The following LPA variants were observed in gnomAD, a reference collection of about 807,000 sequenced individuals.
The protein encoded by LPA is apolipoprotein(a).
LPA carries 199 observed loss-of-function variants against 197.9 expected under a neutral mutation model. The observed-to-expected ratio is 1.01, with a 90% CI of 0.90 to 1.13. The LOEUF is 1.13. Ranked by LOEUF, LPA falls within the 50% of genes most tolerant of loss-of-function variation. The pLI is 0.00. For synonymous variants in LPA, 715 were observed against 639.5 expected (o/e 1.12, Z -1.78); for missense variants, 1,853 against 1,785.8 (o/e 1.04, Z -0.68).
intron 2 of LPA, among the ~76,000 whole-genome samples, chr6:160,647,138 C>T (rs1395037395): frequency 6.6e-6 from 1 of 152,204 alleles, no homozygotes; most frequent in Non-Finnish European, 1.5e-5. Flanking sequence ...AGTCTATCCT[C>T]TGCTGTCCAC....
chr6:160,655,983 G>A (rs985966529), intron 1 of LPA, among the ~76,000 whole-genome samples: 12 of 152,196 alleles, frequency 7.9e-5, no homozygotes, highest in African/African-American at 2.9e-4. Flanking sequence ...CAGGAATGGA[G>A]AAAAAGCCAC....
At position 160,593,134 on chromosome 6, in the gene LPA, A is replaced by G. The variant is rs1433454910; in HGVS notation, c.3629+824T>C. On this transcript the variant is annotated intron_variant, in intron 22 of 38. Transcript: ENST00000316300. Reference sequence around the variant, plus strand: ...GAATACGTCAGATGCCTGAGGCATCACAAACTCCAGTCTCTCTCCTCAGTT... The same window carrying G: ...GAATACGTCAGATGCCTGAGGCATCGCAAACTCCAGTCTCTCTCCTCAGTT... Among the ~76,000 whole-genome samples the G allele has an allele frequency of 4.6e-5, 7 of 152,240 alleles. No homozygotes were observed. The East Asian group carries it at 7.8e-4, about 17-fold the overall frequency.
chr6:160,584,996 G>T (rs1185851798), intron 26 of LPA, 50 bp downstream of exon 26: 23 of 1,597,872 alleles, frequency 1.4e-5, no homozygotes, highest in East Asian at 2.2e-5. Context: ...CCAGCTAAGA[G>T]AAATTTTAGT....
At chr6:160,654,603 A>C (rs1451401217) in intron 1 of LPA, among the ~76,000 whole-genome samples, 5 of 152,188 alleles carry the variant, frequency 3.3e-5, no homozygotes, top group African/African-American at 1.2e-4. Context: ...AATTATGCCT[A>C]ATATAATACA....
chr6:160,605,242 C>A (rs200911406), intron 17 of LPA, 37 bp from the exon 18 acceptor site: 306 of 1,609,256 alleles, frequency 1.9e-4, no homozygotes, highest in Non-Finnish European at 2.4e-4. Context: ...CTGAGTGTTT[C>A]CAAGAAGAGA....
rs143456721 is a variant in LPA at position 160,589,454 on chromosome 6, A to G, written c.3947+99T>C. On this transcript the variant is annotated intron_variant, in intron 24 of 38. Transcript: ENST00000316300. ...CATTCTGTCCAACATTCTGGGTCTG[A>G]GAGAAATTGGGTCATAAGAAGTTAG... 546 of 1,395,308 alleles carry G rather than the reference A, an allele frequency of 3.9e-4. 2 individuals carry two copies. The African/African-American group carries it at 7.0e-3, about 18-fold the overall frequency. 86.4% of individuals were successfully genotyped at this position (1,395,308 alleles called of 1,614,324 possible).
chr6:160,553,948 TGTGTGTGCGCGCGCGCGC>T (rs1399992333), intron 30 of LPA, among the ~76,000 whole-genome samples: 103 of 119,980 alleles, frequency 8.6e-4, no homozygotes, highest in African/African-American at 3.7e-3. Context: ...TGTGTGTGTG[TGTGTGTGCGCGCGCGCGC>T]GTGTGCGTGT....
At chr6:160,548,914 A>G (rs1778124560) in intron 30 of LPA, among the ~76,000 whole-genome samples, 1 of 152,234 alleles carries the variant, frequency 6.6e-6, no homozygotes, top group African/African-American at 2.4e-5. Flanking sequence ...TCACATTGCT[A>G]TGAGGAAATA....
chr6:160,557,417 G>T lies in LPA; in HGVS notation c.4786C>A (p.Pro1596Thr), dbSNP rs780525374. The change falls in exon 29 of 39, where the codon CCA (proline) becomes ACA (threonine). Residue 1596 changes from proline (P) to threonine (T), a missense_variant. Pro to Thr is a conservative substitution (Grantham distance 38). Coordinates refer to ENST00000316300, the MANE Select transcript of LPA (RefSeq NM_005577.4). ...GCTTCAGAATGAGCCTCCATGCTTG[G>T]AACTGGAACAACAGTGGGAGTCTCT... ...VLETPTVVPVPSMEAHSEAAP... is the reference protein window; with the variant it reads ...VLETPTVVPVTSMEAHSEAAP... 3.7e-6 allele frequency: 6 copies of T among 1,614,078 alleles called. No homozygotes were observed. Among genetic ancestry groups the T allele is most frequent in the Non-Finnish European group, 5.1e-6 (6 of 1,180,008 alleles).
At chr6:160,590,135 G>A (rs1256875185) in intron 23 of LPA, among the ~76,000 whole-genome samples, 1 of 152,136 alleles carries the variant, frequency 6.6e-6, no homozygotes, top group Non-Finnish European at 1.5e-5. Context: ...ATCCTCCAAA[G>A]CCAAAGCCTT....
At chr6:160,656,275 T>A (rs1165648281) in intron 1 of LPA, among the ~76,000 whole-genome samples, 1 of 152,226 alleles carries the variant, frequency 6.6e-6, no homozygotes, top group African/African-American at 2.4e-5. Flanking sequence ...TTGATTTTTT[T>A]ATTTTTCTAG....
chr6:160,567,378 C>T (rs1295799329), intron 28 of LPA, among the ~76,000 whole-genome samples: 1 of 152,194 alleles, frequency 6.6e-6, no homozygotes, highest in Non-Finnish European at 1.5e-5. Flanking sequence ...ACTGAACAAC[C>T]TGCACCTGAG....
intron 26 of LPA, among the ~76,000 whole-genome samples, chr6:160,580,309 T>C (rs1434099537): frequency 2.0e-5 from 3 of 151,866 alleles, no homozygotes; most frequent in Non-Finnish European, 4.4e-5. Context: ...TTCATTTTCT[T>C]TTGATGAAAA....
intron 18 of LPA, among the ~76,000 whole-genome samples, chr6:160,602,596 G>A (rs150376308): frequency 8.5e-4 from 130 of 152,310 alleles, no homozygotes; most frequent in African/African-American, 3.0e-3. Flanking sequence ...TACGTGGGCT[G>A]CAGAAAGTTC....
At chr6:160,647,212 G>C (rs182338673) in intron 2 of LPA, among the ~76,000 whole-genome samples, 2 of 152,266 alleles carry the variant, frequency 1.3e-5, no homozygotes, top group Non-Finnish European at 2.9e-5. Context: ...AAGGAAGATG[G>C]CAGGAAGACT....
rs567865114 is a variant in LPA at position 160,595,372 on chromosome 6, C to G, written c.3451G>C (p.Glu1151Gln). 1 of 1,612,500 alleles carries G rather than the reference C, an allele frequency of 6.2e-7. No individual in the cohort carries two copies. The highest frequency in any genetic ancestry group is 8.5e-7 in the Non-Finnish European group (1 of 1,179,850). ...TTCCTACCTTCTTCAGAAGAAGCCTCTGTGCTTGGATCTGGGACCACCGTG... is the reference window on the plus strand; with the variant it reads ...TTCCTACCTTCTTCAGAAGAAGCCTGTGTGCTTGGATCTGGGACCACCGTG... ...TLTVVPDPST[E>Q]ASSEEAPTEQ... Residue 1151 changes from glutamate to glutamine, a missense_variant, in exon 21 of 39, where the codon GAG becomes CAG. Transcript: ENST00000316300.
In LPA at chr6:160,537,752, T is replaced by C; in HGVS notation, c.5842+103A>G. ...CAAAGTCAGGAGTGGGTAGACCACATTCATGGGTAGGAATTTGTACAACTA... is the reference window on the plus strand; with the variant it reads ...CAAAGTCAGGAGTGGGTAGACCACACTCATGGGTAGGAATTTGTACAACTA... On this transcript the variant is annotated intron_variant, in intron 37 of 38. Transcript: ENST00000316300. The C allele has an allele frequency of 2.7e-6, 3 of 1,104,824 alleles. No homozygotes were observed. In the Admixed American group the frequency reaches 5.9e-5, roughly 22 times the overall value. The allele number at this position is 1,104,824 out of a possible 1,614,324, so 68.4% of individuals were successfully genotyped here. A position where few individuals can be genotyped will look rare whatever the true frequency, so the allele number is the denominator to read the frequency against.
rs1198490971 is a variant in LPA, at chr6:160,537,972, A to G, written c.5736-11T>C. The G allele has an allele frequency of 6.2e-7, 1 of 1,612,786 alleles. No homozygotes were observed. Among genetic ancestry groups the G allele is most frequent in the Non-Finnish European group, 8.5e-7 (1 of 1,178,822 alleles). On this transcript the variant is annotated splice_polypyrimidine_tract_variant and intron_variant, in intron 36 of 38. Coordinates refer to ENST00000316300, the MANE Select transcript of LPA (RefSeq NM_005577.4). ...GTGATGACGGCAGGCCTGTAAGGAA[A>G]GTATTAGCAGTTATGTTTCACTGCC...
intron 19 of LPA, 62 bp downstream of exon 19, chr6:160,600,855 G>C (rs1474139460): frequency 2.6e-6 from 4 of 1,557,780 alleles, no homozygotes; most frequent in Admixed American, 1.7e-5. Context: ...TGCGTCAGTG[G>C]GGGTATCCAT....
Sources: gnomAD v4.1 joint callset for allele counts (sites outside exome capture counted in the v4.1 genomes callset) on GRCh38, gnomAD v4.1.1 for gene constraint, MANE v1.5 for transcripts, NCBI Gene and HGNC (gene_info 2026-07-23, HGNC 2026-07-21) for gene names.